EFCAB11: variants seen among roughly 807,000 people sequenced by gnomAD.
EFCAB11 encodes EF-hand calcium-binding domain-containing protein 11.
Under a neutral mutation model 23.0 loss-of-function variants are expected in EFCAB11, and 14 were observed. That is an observed-to-expected ratio of 0.61 (90% CI 0.40 to 0.95). The LOEUF (loss-of-function observed/expected upper bound fraction) is 0.95. Ranked by LOEUF, EFCAB11 falls within the 40% of genes least tolerant of loss-of-function variation. The pLI, the probability that EFCAB11 is intolerant of heterozygous loss-of-function variation, is 0.00. For synonymous variants in EFCAB11, 65 were observed against 66.6 expected, an observed-to-expected ratio of 0.98 and a Z score of 0.11; for missense variants, 198 against 195.8, an observed-to-expected ratio of 1.01 and a Z score of -0.07.
chr14:89,912,177 A>G (rs2140217194), intron 5 of EFCAB11, among the ~76,000 whole-genome samples: 1 of 152,314 alleles, frequency 6.6e-6, no homozygotes, highest in East Asian at 1.9e-4. Flanking sequence ...GTGGGTTAAA[A>G]CTGAGGTAAA....
At chr14:89,889,447 A>C (rs1451925052) in intron 5 of EFCAB11, among the ~76,000 whole-genome samples, 4 of 152,212 alleles carry the variant, frequency 2.6e-5, no homozygotes, top group Non-Finnish European at 5.9e-5. Context: ...AGGGCTTAGA[A>C]CAGTGCTTGC....
intron 5 of EFCAB11, chr14:89,923,754 A>G: frequency 1.0e-6 from 1 of 985,440 alleles, no homozygotes; most frequent in Non-Finnish European, 1.2e-6. Flanking sequence ...TCATACACAG[A>G]ATCATTCTGA....
chr14:89,923,132 A>G (rs1890072512), intron 5 of EFCAB11, among the ~76,000 whole-genome samples: 1 of 152,234 alleles, frequency 6.6e-6, no homozygotes. Context: ...CATCTTCTCT[A>G]CTTGCTTCCT....
intron 5 of EFCAB11, among the ~76,000 whole-genome samples, chr14:89,909,277 A>AT (rs1197015729): frequency 6.6e-6 from 1 of 152,220 alleles, no homozygotes; most frequent in Non-Finnish European, 1.5e-5. Context: ...AGGAGAGATC[A>AT]TGTAAGTCTG....
chr14:89,855,880 A>G (rs1887735762), intron 5 of EFCAB11, among the ~76,000 whole-genome samples: 1 of 152,106 alleles, frequency 6.6e-6, no homozygotes, highest in Admixed American at 6.5e-5. Context: ...AAATCATGCA[A>G]TATTTGGCTT....
intron 5 of EFCAB11, among the ~76,000 whole-genome samples, chr14:89,834,444 C>A (rs1596390577): frequency 6.8e-6 from 1 of 146,642 alleles, no homozygotes; most frequent in South Asian, 2.2e-4. Context: ...AGTCTACTTG[C>A]AACCGGCAAT....
chr14:89,893,670 T>C (rs1889059062), intron 5 of EFCAB11, among the ~76,000 whole-genome samples: 1 of 152,016 alleles, frequency 6.6e-6, no homozygotes, highest in African/African-American at 2.4e-5. Flanking sequence ...GACACTGTTG[T>C]GACATCATAG....
At chr14:89,810,069 T>C (rs1476116766) in intron 5 of EFCAB11, among the ~76,000 whole-genome samples, 1 of 152,182 alleles carries the variant, frequency 6.6e-6, no homozygotes, top group African/African-American at 2.4e-5. Context: ...TGCTGGACCA[T>C]CAATATGACT....
intron 5 of EFCAB11, chr14:89,799,489 G>C (rs1200263688): frequency 6.6e-6 from 1 of 152,144 alleles, no homozygotes; most frequent in Non-Finnish European, 1.5e-5. Flanking sequence ...ATGTACCGTG[G>C]GTAGAATTAG....
In EFCAB11 at chr14:89,903,728, C is replaced by T. The variant is rs934208534; in HGVS notation, c.410+27813G>A. 3.9e-5 allele frequency among the ~76,000 whole-genome samples: 6 copies of T among 152,138 alleles called. No homozygotes were observed. The East Asian group carries it at 5.8e-4, about 15-fold the overall frequency. ...ATAAAACAGAACTATGGTATCAGGG[C>T]ATGTGAATAACCACAATTTATTATC... On this transcript the variant is annotated intron_variant, in intron 5 of 5. Transcript: ENST00000316738.
intron 5 of EFCAB11, among the ~76,000 whole-genome samples, chr14:89,929,939 G>A (rs754332204): frequency 2.0e-5 from 3 of 152,048 alleles, no homozygotes; most frequent in Non-Finnish European, 4.4e-5. Flanking sequence ...AACACATAAA[G>A]TTCATCATAT....
At chr14:89,896,180 T>C (rs1889151706) in intron 5 of EFCAB11, among the ~76,000 whole-genome samples, 1 of 152,128 alleles carries the variant, frequency 6.6e-6, no homozygotes, top group South Asian at 2.1e-4. Flanking sequence ...GGTCAGGAGA[T>C]GGAGACCATC....
chr14:89,817,345 G>C (rs1886367096), intron 5 of EFCAB11, among the ~76,000 whole-genome samples: 2 of 151,968 alleles, frequency 1.3e-5, no homozygotes. Flanking sequence ...AACACAGTGA[G>C]ACCCTGTCTC....
chr14:89,954,494 C>A lies in EFCAB11; in HGVS notation c.75+92G>T, dbSNP rs1566829090. 3 of 1,559,276 alleles carry A rather than the reference C, an allele frequency of 1.9e-6. No individual in the cohort carries two copies. The African/African-American group carries it at 4.1e-5, about 21-fold the overall frequency. On this transcript the variant is annotated intron_variant, in intron 1 of 5. Transcript: ENST00000316738. The stretch of plus-strand genomic sequence containing the variant: ...ACAGGCAGCCCAGGTCTTATCTGCA[C>A]ACCCGGCAGAGTGAGACCCAGACAC...
rs1007149005 is a variant in EFCAB11 at position 89,864,964 on chromosome 14, C to A, written c.410+66577G>T. On this transcript the variant is annotated intron_variant, in intron 5 of 5. Coordinates refer to ENST00000316738, the MANE Select transcript of EFCAB11 (RefSeq NM_145231.4). ...ACTAGTTCTCAGATTATTAGATACTCCTGGACCTAATAATTGGCTCAGGGG... is the reference window on the plus strand; with the variant it reads ...ACTAGTTCTCAGATTATTAGATACTACTGGACCTAATAATTGGCTCAGGGG... 3.9e-5 allele frequency among the ~76,000 whole-genome samples: 6 copies of A among 152,190 alleles called. 1 individual carries two copies. In the South Asian group the frequency reaches 1.2e-3, roughly 31 times the overall value.
At chr14:89,890,755 C>CCA (rs1304893561) in intron 5 of EFCAB11, among the ~76,000 whole-genome samples, 1 of 152,194 alleles carries the variant, frequency 6.6e-6, no homozygotes, top group Admixed American at 6.5e-5. Context: ...CATCCCAAAG[C>CCA]CACCTTTGCC....
At chr14:89,929,638 G>A (rs947697207) in intron 5 of EFCAB11, among the ~76,000 whole-genome samples, 11 of 152,146 alleles carry the variant, frequency 7.2e-5, no homozygotes, top group African/African-American at 2.6e-4. Flanking sequence ...CACCTGCCTC[G>A]GCCTCCCAAA....
intron 5 of EFCAB11, among the ~76,000 whole-genome samples, chr14:89,929,571 A>C (rs916643200): frequency 4.6e-5 from 7 of 151,938 alleles, no homozygotes; most frequent in African/African-American, 1.5e-4. Flanking sequence ...TTTTTAGTAG[A>C]CATGGGGTTT....
intron 5 of EFCAB11, among the ~76,000 whole-genome samples, chr14:89,915,419 T>G (rs1356609302): frequency 1.3e-5 from 2 of 152,218 alleles, no homozygotes; most frequent in East Asian, 1.9e-4. Context: ...TAACCTTCTG[T>G]TCTTTCAATC....
Sources: allele counts gnomAD v4.1 joint callset (sites outside exome capture counted in the v4.1 genomes callset), GRCh38; gene constraint gnomAD v4.1.1; transcripts MANE v1.5; gene names NCBI Gene and HGNC (gene_info 2026-07-23, HGNC 2026-07-21).